Variants in PLCB1 observed in about 807,000 individuals in gnomAD.
The protein encoded by PLCB1 is phospholipase C beta 1.
A neutral mutation model predicts 161.8 loss-of-function variants in PLCB1; 46 were observed. The observed-to-expected ratio is 0.28, with a 90% CI of 0.22 to 0.36. The LOEUF is 0.36. Ranked by LOEUF, PLCB1 falls within the 10% of genes least tolerant of loss-of-function variation. The pLI is 1.00. For synonymous variants in PLCB1, 517 were observed against 503.7 expected (o/e 1.03, Z -0.35); for missense variants, 1,016 against 1,472.5 (o/e 0.69, Z 5.07).
intron 3 of PLCB1, among the ~76,000 whole-genome samples, chr20:8,534,636 C>T (rs1054075226): frequency 2.0e-5 from 3 of 152,120 alleles, no homozygotes; most frequent in African/African-American, 7.2e-5. Flanking sequence ...CAGAGCTTCC[C>T]CTCAGAGAGC....
chr20:8,532,437 TC>T (rs1984852053), intron 3 of PLCB1, among the ~76,000 whole-genome samples: 1 of 152,116 alleles, frequency 6.6e-6, no homozygotes, highest in Non-Finnish European at 1.5e-5. Context: ...TCCCCAAACT[TC>T]CCAGGGAGTT....
At chr20:8,427,238 T>C (rs1263162691) in intron 3 of PLCB1, among the ~76,000 whole-genome samples, 1 of 152,130 alleles carries the variant, frequency 6.6e-6, no homozygotes, top group Non-Finnish European at 1.5e-5. Flanking sequence ...TCAAGATGGT[T>C]TTATAATAAT....
chr20:8,536,667 G>C (rs1985062770), intron 3 of PLCB1, among the ~76,000 whole-genome samples: 2 of 152,100 alleles, frequency 1.3e-5, no homozygotes, highest in Admixed American at 1.3e-4. Flanking sequence ...GAGTAGCCAG[G>C]TCTTCCTACA....
At chr20:8,802,946 G>T (rs994765759) in intron 31 of PLCB1, among the ~76,000 whole-genome samples, 5 of 152,230 alleles carry the variant, frequency 3.3e-5, no homozygotes, top group East Asian at 3.9e-4. Flanking sequence ...AAGCATTCTT[G>T]TGATTATAAA....
At chr20:8,729,010 AT>A (rs540566951) in intron 17 of PLCB1, 39 bp from the exon 18 acceptor site, 286 of 1,403,732 alleles carry the variant, frequency 2.0e-4, no homozygotes, top group Non-Finnish European at 2.6e-4. Context: ...TTGACTAAAT[AT>A]TTTTATAATT....
intron 3 of PLCB1, among the ~76,000 whole-genome samples, chr20:8,456,215 C>T (rs1433327018): frequency 6.6e-6 from 1 of 152,130 alleles, no homozygotes; most frequent in African/African-American, 2.4e-5. Flanking sequence ...AAGAAAAATT[C>T]TTTAGTATTT....
intron 3 of PLCB1, among the ~76,000 whole-genome samples, chr20:8,475,010 G>GACAC (rs11468682): frequency 1.4e-3 from 206 of 147,674 alleles, no homozygotes; most frequent in African/African-American, 3.4e-3. Flanking sequence ...CACACACACA[G>GACAC]ACACACACAC....
intron 3 of PLCB1, among the ~76,000 whole-genome samples, chr20:8,492,873 T>C (rs1370755930): frequency 1.4e-5 from 2 of 147,040 alleles, no homozygotes; most frequent in Non-Finnish European, 3.0e-5. Flanking sequence ...TGTGTGTGTG[T>C]GCATTTTTAA....
chr20:8,243,579 C>G (rs934342900), intron 2 of PLCB1, among the ~76,000 whole-genome samples: 1 of 151,910 alleles, frequency 6.6e-6, no homozygotes. Context: ...TTTAAAGAGA[C>G]AAGCCATATG....
At chr20:8,637,189 T>C in intron 4 of PLCB1, among the ~76,000 whole-genome samples, 1 of 152,324 alleles carries the variant, frequency 6.6e-6, no homozygotes, top group Non-Finnish European at 1.5e-5. Context: ...CTGTTTCACC[T>C]ACTACCTTGA....
chr20:8,548,541 C>A (rs1192919478), intron 3 of PLCB1, among the ~76,000 whole-genome samples: 2 of 150,804 alleles, frequency 1.3e-5, no homozygotes, highest in Admixed American at 6.6e-5. Context: ...TTCTTTTCTT[C>A]TTTCTTTTTC....
At chr20:8,382,260 T>C (rs932647188) in intron 3 of PLCB1, among the ~76,000 whole-genome samples, 8 of 151,278 alleles carry the variant, frequency 5.3e-5, no homozygotes, top group Non-Finnish European at 1.0e-4. Context: ...TGTAATTGTG[T>C]GGTTTTGAGT....
At chr20:8,684,256 AT>A (rs1035921468) in intron 9 of PLCB1, among the ~76,000 whole-genome samples, 10 of 150,206 alleles carry the variant, frequency 6.7e-5, no homozygotes, top group East Asian at 2.0e-4. Context: ...TTATTTATTT[AT>A]TTATTTATTT....
chr20:8,496,657 T>C (rs181374901), intron 3 of PLCB1, among the ~76,000 whole-genome samples: 57 of 152,318 alleles, frequency 3.7e-4, no homozygotes, highest in Non-Finnish European at 2.6e-4. Context: ...GGTGCTTTTT[T>C]GGCATGGAGT....
chr20:8,462,579 C>T (rs917579355), intron 3 of PLCB1, among the ~76,000 whole-genome samples: 5 of 152,102 alleles, frequency 3.3e-5, no homozygotes, highest in African/African-American at 4.8e-5. Flanking sequence ...TGCAGCAAAC[C>T]GAACTTCCCA....
intron 3 of PLCB1, among the ~76,000 whole-genome samples, chr20:8,541,634 G>A (rs975240509): frequency 3.0e-5 from 4 of 134,094 alleles, no homozygotes; most frequent in African/African-American, 1.2e-4. Context: ...TGAAATGTGG[G>A]CATGGTTGAC....
chr20:8,513,848 T>TA (rs1053085087), intron 3 of PLCB1, among the ~76,000 whole-genome samples: 27 of 149,568 alleles, frequency 1.8e-4, no homozygotes, highest in South Asian at 4.3e-4. Flanking sequence ...CTGTCTCTAT[T>TA]AAAAAAAAAG....
intron 31 of PLCB1, among the ~76,000 whole-genome samples, chr20:8,874,870 G>C (rs2146329157): frequency 6.6e-6 from 1 of 151,994 alleles, no homozygotes; most frequent in Middle Eastern, 3.4e-3. Context: ...TCCCAAAAAT[G>C]GAGTTGCTGG....
At chr20:8,697,599 G>C (rs1160156972) in intron 10 of PLCB1, 27 bp from the exon 11 acceptor site, 1 of 1,612,676 alleles carries the variant, frequency 6.2e-7, no homozygotes, top group Non-Finnish European at 8.5e-7. Flanking sequence ...ATGGGAATCT[G>C]GGGTTTGTTT....
Sources: gnomAD v4.1 joint callset for allele counts (sites outside exome capture counted in the v4.1 genomes callset) on GRCh38, gnomAD v4.1.1 for gene constraint, MANE v1.5 for transcripts, NCBI Gene and HGNC (gene_info 2026-07-23, HGNC 2026-07-21) for gene names.